Variants in PRDM4 observed in about 807,000 individuals in gnomAD.
PRDM4 encodes PR domain zinc finger protein 4.
A neutral mutation model predicts 62.3 loss-of-function variants in PRDM4; 38 were observed. The ratio of observed to expected loss-of-function variants is 0.61; its 90% CI spans 0.47 to 0.80. The LOEUF (loss-of-function observed/expected upper bound fraction) is 0.80. Among genes scored for constraint, PRDM4 ranks in the 30% least tolerant of loss-of-function variants. PRDM4 has a pLI of 0.00. For missense variants in PRDM4, 858 were observed against 997.1 expected (o/e 0.86, Z 1.88); for synonymous variants, 339 against 348.2 (o/e 0.97, Z 0.30).
chr12:107,746,032 T>G (rs1890690965), intron 6 of PRDM4, among the ~76,000 whole-genome samples: 1 of 152,210 alleles, frequency 6.6e-6, no homozygotes, highest in African/African-American at 2.4e-5. Flanking sequence ...AAAGACTCAG[T>G]CTAGGATTTT....
chr12:107,759,638 C>T (rs1430848500), intron 2 of PRDM4: 1 of 152,192 alleles, frequency 6.6e-6, no homozygotes, highest in African/African-American at 2.4e-5. Flanking sequence ...AACGTGATGA[C>T]CTCAGCAGCC....
In PRDM4 at chr12:107,744,250, C is replaced by A. The variant is rs117893122; in HGVS notation, c.1395+293G>T. On this transcript the variant is annotated intron_variant, in intron 7 of 11. Transcript: ENST00000228437. Reference sequence around the variant, plus strand: ...ATACAAACAAAGTCTGTGGCCTCAGCAGTCACAAGTAATTCAAATGCATTA... The same window carrying A: ...ATACAAACAAAGTCTGTGGCCTCAGAAGTCACAAGTAATTCAAATGCATTA... 4.8e-3 allele frequency among the ~76,000 whole-genome samples: 734 copies of A among 152,256 alleles called. 26 individuals carry two copies. In the East Asian group the frequency reaches 0.082, roughly 17 times the overall value.
intron 2 of PRDM4, among the ~76,000 whole-genome samples, chr12:107,759,397 A>G (rs1465694818): frequency 1.3e-5 from 2 of 152,194 alleles, no homozygotes; most frequent in Non-Finnish European, 2.9e-5. Flanking sequence ...CACTACAATC[A>G]CTACAGCTGT....
At chr12:107,742,092 T>C (rs1401036626) in intron 9 of PRDM4, 129 bp downstream of exon 9, 3 of 1,006,436 alleles carry the variant, frequency 3.0e-6, no homozygotes, top group South Asian at 1.8e-5. Flanking sequence ...ATACAAGTAA[T>C]AGTTTGCATT....
intron 9 of PRDM4, among the ~76,000 whole-genome samples, chr12:107,741,860 T>C (rs1243178893): frequency 6.6e-6 from 1 of 152,340 alleles, no homozygotes; most frequent in Non-Finnish European, 1.5e-5. Flanking sequence ...GCTGTCATCA[T>C]GAAACAGCAC....
rs571782570 is a variant in PRDM4 at position 107,742,210 on chromosome 12, T to C, written c.1609+11A>G. On this transcript the variant is annotated intron_variant, in intron 9 of 11. Transcript: ENST00000228437. ...CTAAGCCAGATTCATTATAAACACA[T>C]ATTAACTTACCAATCTGTTGAGCAT... The C allele has an allele frequency of 6.2e-6, 10 of 1,610,880 alleles. No homozygotes were observed. The East Asian group carries it at 1.6e-4, about 25-fold the overall frequency.
intron 5 of PRDM4, among the ~76,000 whole-genome samples, chr12:107,750,451 G>A (rs1890852885): frequency 6.6e-6 from 1 of 152,128 alleles, no homozygotes; most frequent in South Asian, 2.1e-4. Context: ...GGCTAAAGTG[G>A]GAGGATCACT....
At chr12:107,749,859 C>T (rs1890835876) in intron 5 of PRDM4, among the ~76,000 whole-genome samples, 1 of 152,198 alleles carries the variant, frequency 6.6e-6, no homozygotes, top group African/African-American at 2.4e-5. Flanking sequence ...TACTTCTCCT[C>T]TCACCACATG....
chr12:107,740,872 C>G (rs1329144982), intron 10 of PRDM4, 74 bp downstream of exon 10: 1 of 1,431,428 alleles, frequency 7.0e-7, no homozygotes, highest in East Asian at 2.3e-5. Flanking sequence ...ACCTACAATC[C>G]CTCTACAAAG....
In PRDM4 at chr12:107,740,029, TA is replaced by T. The variant is rs1209871469; in HGVS notation, c.1925-479del. Among the ~76,000 whole-genome samples, 2 of 152,166 alleles carry T rather than the reference TA, an allele frequency of 1.3e-5. 1 individual carries two copies. The highest frequency in any genetic ancestry group is 2.9e-5 in the Non-Finnish European group (2 of 68,012). ...CAAGAATGCAAAAATAAGATTCCTC[TA>T]AGGGGTCAGCAAACCTTCTCTTAAA... On this transcript the variant is annotated intron_variant, in intron 10 of 11. Transcript: ENST00000228437.
Position 107,751,595 on chromosome 12 carries a change from A to G in PRDM4, c.946T>C (p.Ser316Pro). The change falls in exon 5 of 12, where the codon TCC becomes CCC. Residue 316 changes from serine to proline, a missense_variant. By Grantham distance (74) the Ser-to-Pro change is moderately conservative. Around this residue, in one of 3 missense-constraint regions of PRDM4, gnomAD observed 499 missense variants for 546.7 expected, o/e 0.91. Coordinates refer to ENST00000228437, the MANE Select transcript of PRDM4 (RefSeq NM_012406.4). ...SHNLASLESV[S>P]LHEVGLSLEP... ...AGGCTGAGGCCAACTTCATGGAGGG[A>G]AACAGATTCTAGGGAGGCAAGGTTG... 1 of 1,613,784 alleles carries G rather than the reference A, an allele frequency of 6.2e-7. No homozygotes were observed. The highest frequency in any genetic ancestry group is 8.5e-7 in the Non-Finnish European group (1 of 1,179,680).
intron 2 of PRDM4, 84 bp downstream of exon 2, chr12:107,760,420 CA>C (rs1214218894): frequency 5.8e-6 from 9 of 1,560,660 alleles, no homozygotes; most frequent in Admixed American, 1.8e-5. Context: ...TCAATGGCAC[CA>C]AAAACAACGG....
chr12:107,744,307 A>G (rs922155909), intron 7 of PRDM4, among the ~76,000 whole-genome samples: 1 of 152,172 alleles, frequency 6.6e-6, no homozygotes, highest in African/African-American at 2.4e-5. Context: ...AACTCACAAA[A>G]CAGAGACAAA....
At chr12:107,742,596 C>A in intron 8 of PRDM4, 1 of 455,348 alleles carries the variant, frequency 2.2e-6, no homozygotes, top group Non-Finnish European at 3.9e-6. Flanking sequence ...TGGAAGCAAA[C>A]AAGATAAATA....
intron 6 of PRDM4, among the ~76,000 whole-genome samples, chr12:107,745,546 C>G (rs1422080367): frequency 6.6e-6 from 1 of 152,068 alleles, no homozygotes; most frequent in Non-Finnish European, 1.5e-5. Flanking sequence ...GGCCAGTGCA[C>G]TCCAGCCTGG....
chr12:107,746,630 G>A (rs375138965), intron 5 of PRDM4, among the ~76,000 whole-genome samples: 4 of 151,956 alleles, frequency 2.6e-5, no homozygotes, highest in African/African-American at 4.8e-5. Flanking sequence ...GACTACAGGC[G>A]TGTGCCACCA....
At position 107,734,217 on chromosome 12, in the gene PRDM4, T is replaced by C. The variant is rs201055241; in HGVS notation, c.2399A>G (p.His800Arg). ...VYSADESLSAHK is the reference protein window; with the variant it reads ...VYSADESLSARK Reference sequence around the variant, plus strand: ...TGCTTGTTTCTTTTCCTTTTATTTATGTGCAGAAAGAGACTCATCCGCTGA... The same window carrying C: ...TGCTTGTTTCTTTTCCTTTTATTTACGTGCAGAAAGAGACTCATCCGCTGA... The change falls in exon 12 of 12, where the codon CAT becomes CGT. Residue 800 changes from histidine (H) to arginine (R), a missense_variant. His to Arg is a conservative substitution (Grantham distance 29, BLOSUM62 0). Coordinates refer to ENST00000228437, the MANE Select transcript of PRDM4 (RefSeq NM_012406.4). 1.9e-6 allele frequency: 3 copies of C among 1,578,206 alleles called. No individual in the cohort carries two copies. The highest frequency in any genetic ancestry group is 2.2e-5 in the East Asian group (1 of 44,486).
Position 107,751,807 on chromosome 12 carries a change from G to C in PRDM4, c.734C>G (p.Ala245Gly). The C allele has an allele frequency of 6.2e-7, 1 of 1,614,208 alleles. No individual in the cohort carries two copies. Among genetic ancestry groups the C allele is most frequent in the Admixed American group, 1.7e-5 (1 of 60,018 alleles). Reference protein sequence around the residue: ...LSVDSVSNNLAADAVGHGGVI... With the variant: ...LSVDSVSNNLGADAVGHGGVI... ...ACCACCATGTCCTACAGCGTCTGCT[G>C]CAAGGTTGTTGCTCACAGAATCCAC... The change falls in exon 5 of 12, where the codon GCA becomes GGA. Residue 245 changes from alanine to glycine, a missense_variant. Physicochemically the swap from Ala to Gly is moderately conservative, Grantham distance 60. This residue lies in a region of PRDM4 where 499 missense variants were observed against 546.7 expected (regional missense o/e 0.91). Coordinates refer to ENST00000228437, the MANE Select transcript of PRDM4 (RefSeq NM_012406.4).
At position 107,742,386 on chromosome 12, in the gene PRDM4, T is replaced by C. The variant is rs2302735; in HGVS notation, c.1482-38A>G. 235 of 1,606,206 alleles carry C rather than the reference T, an allele frequency of 1.5e-4. 1 individual carries two copies. The East Asian group carries it at 5.1e-3, about 35-fold the overall frequency. On this transcript the variant is annotated intron_variant, in intron 8 of 11. Transcript: ENST00000228437. ...ATTTAATAGATCAAGCACATTAATT[T>C]TGAAATGCATACTAAGTACAACATT...
Sources: allele counts gnomAD v4.1 joint callset (sites outside exome capture counted in the v4.1 genomes callset), GRCh38; gene constraint gnomAD v4.1.1; regional missense constraint gnomAD v4.1.1; transcripts MANE v1.5; gene names NCBI Gene and HGNC (gene_info 2026-07-23, HGNC 2026-07-21).